ITGB6: variants seen among roughly 807,000 people sequenced by gnomAD.
ITGB6 encodes the protein integrin subunit beta 6, also known as integrin beta-6.
Under a neutral mutation model 84.5 loss-of-function variants are expected in ITGB6, and 80 were observed. The ratio of observed to expected loss-of-function variants is 0.95; its 90% confidence interval spans 0.79 to 1.14. The LOEUF (loss-of-function observed/expected upper bound fraction) is 1.14. Ranked by LOEUF, ITGB6 falls within the 50% of genes most tolerant of loss-of-function variation. The probability of loss-of-function intolerance (pLI) is 0.00; values close to 1 mark genes in which losing one functional copy is unlikely to be tolerated. For missense variants in ITGB6, 1,006 were observed against 968.0 expected, an observed-to-expected ratio of 1.04 and a Z score of -0.52; for synonymous variants, 383 against 354.9, an observed-to-expected ratio of 1.08 and a Z score of -0.89.
intron 4 of ITGB6, chr2:160,179,128 CA>C (rs1685558076): frequency 6.6e-6 from 1 of 151,944 alleles, no homozygotes; most frequent in Non-Finnish European, 1.5e-5. Flanking sequence ...TGATAAAACA[CA>C]ATATAAATAT....
intron 4 of ITGB6, among the ~76,000 whole-genome samples, chr2:160,188,153 C>T (rs568878443): frequency 6.6e-6 from 1 of 152,280 alleles, no homozygotes; most frequent in East Asian, 1.9e-4. Context: ...AAATCCTACG[C>T]TCTTTCCTTT....
intron 10 of ITGB6, among the ~76,000 whole-genome samples, chr2:160,129,964 A>T (rs1683400888): frequency 6.6e-6 from 1 of 152,182 alleles, no homozygotes; most frequent in African/African-American, 2.4e-5. Flanking sequence ...ACACACACAC[A>T]GTCATGTGTC....
chr2:160,196,037 G>A (rs75612755), intron 3 of ITGB6, among the ~76,000 whole-genome samples, 179 bp downstream of exon 3: 4,018 of 152,282 alleles, frequency 0.026, 74 homozygotes, highest in South Asian at 0.077. Flanking sequence ...CAATTGGAGT[G>A]CCGGGGCCAA....
chr2:160,159,911 C>T (rs1188411369), intron 7 of ITGB6, among the ~76,000 whole-genome samples: 1 of 152,118 alleles, frequency 6.6e-6, no homozygotes, highest in Non-Finnish European at 1.5e-5. Context: ...TCTATTTCCC[C>T]CTACTAGATT....
intron 4 of ITGB6, among the ~76,000 whole-genome samples, chr2:160,189,917 C>T (rs1053086500): frequency 4.2e-4 from 64 of 152,120 alleles, no homozygotes; most frequent in Admixed American, 7.9e-4. Context: ...ATGTTTATTG[C>T]GGCACTATTC....
chr2:160,126,338 A>G (rs1335576561), intron 11 of ITGB6, 41 bp downstream of exon 11: 2 of 1,575,382 alleles, frequency 1.3e-6, no homozygotes, highest in East Asian at 4.5e-5. Flanking sequence ...GATCACTATA[A>G]ACCTATCCAC....
At chr2:160,125,457 A>G (rs1475925804) in intron 11 of ITGB6, among the ~76,000 whole-genome samples, 1 of 152,234 alleles carries the variant, frequency 6.6e-6, no homozygotes, top group Non-Finnish European at 1.5e-5. Context: ...GACATTTTCC[A>G]TTAGATCCTA....
chr2:160,198,378 G>T (rs998934905), intron 2 of ITGB6, among the ~76,000 whole-genome samples: 1 of 152,174 alleles, frequency 6.6e-6, no homozygotes, highest in African/African-American at 2.4e-5. Flanking sequence ...GAGGTTTGTT[G>T]CTCTTTGAGC....
intron 7 of ITGB6, among the ~76,000 whole-genome samples, chr2:160,149,296 T>G (rs1220738961): frequency 6.6e-6 from 1 of 152,204 alleles, no homozygotes; most frequent in Non-Finnish European, 1.5e-5. Flanking sequence ...CCTCTGCTGG[T>G]GATACCCAGA....
chr2:160,101,604 G>A lies in ITGB6; in HGVS notation c.*132C>T, dbSNP rs1009398550. On this transcript the variant is annotated 3_prime_UTR_variant, in exon 15 of 15. Coordinates refer to ENST00000283249, the MANE Select transcript of ITGB6 (RefSeq NM_000888.5). ...AACAGTCTGTCACCTTCATGTAGAG[G>A]ATGACTTATCTGCAGATGTCCTATT... 1.5e-6 allele frequency: 1 copy of A among 664,194 alleles called. No individual in the cohort carries two copies. The highest frequency in any genetic ancestry group is 2.7e-6 in the Non-Finnish European group (1 of 370,860). 41.1% of individuals were successfully genotyped at this position (664,194 alleles called of 1,614,324 possible).
In ITGB6 at chr2:160,198,744, C is replaced by T. The variant is rs541158944; in HGVS notation, c.141+435G>A. Among the ~76,000 whole-genome samples, 194 of 152,276 alleles carry T rather than the reference C, an allele frequency of 1.3e-3. 1 individual carries two copies. Among genetic ancestry groups the T allele is most frequent in the Non-Finnish European group, 2.0e-3 (133 of 68,026 alleles). On this transcript the variant is annotated intron_variant, in intron 2 of 14. Transcript: ENST00000283249. Reference sequence around the variant, plus strand: ...TTTGCCCCAAACTTAAAACACATCCCTTAGAATCTAGCAGTAGTTCAGAAT... The same window carrying T: ...TTTGCCCCAAACTTAAAACACATCCTTTAGAATCTAGCAGTAGTTCAGAAT...
chr2:160,107,863 A>ATCCT lies in ITGB6; in HGVS notation c.2102-19_2102-18insAGGA. On this transcript the variant is annotated intron_variant, in intron 13 of 14. Transcript: ENST00000283249. ...CGGACAATCTGCAGAAATAAAGAAA[A>ATCCT]TTATAAGAAGGTGGTAAAATCAACA... 1 of 1,560,420 alleles carries ATCCT rather than the reference A, an allele frequency of 6.4e-7. No individual in the cohort carries two copies. Among genetic ancestry groups the ATCCT allele is most frequent in the Non-Finnish European group, 8.7e-7 (1 of 1,146,634 alleles).
chr2:160,160,130 G>A (rs942934950), intron 7 of ITGB6, among the ~76,000 whole-genome samples: 8 of 152,146 alleles, frequency 5.3e-5, no homozygotes, highest in South Asian at 4.1e-4. Context: ...GTCCATGGCC[G>A]CTTTCATGCT....
intron 10 of ITGB6, among the ~76,000 whole-genome samples, chr2:160,132,918 C>T (rs952506205): frequency 6.6e-6 from 1 of 152,074 alleles, no homozygotes; most frequent in South Asian, 2.1e-4. Flanking sequence ...CATGCAGTTA[C>T]TCATCTTTCT....
intron 13 of ITGB6, among the ~76,000 whole-genome samples, chr2:160,110,775 T>C (rs1450310728): frequency 6.6e-6 from 1 of 152,172 alleles, no homozygotes; most frequent in Admixed American, 6.5e-5. Flanking sequence ...ACCCTGGGAT[T>C]TTCTAGTCTG....
At position 160,195,569 on chromosome 2, in the gene ITGB6, G is replaced by C; in HGVS notation, c.393C>G (p.Tyr131Ter). Residue 131 changes from tyrosine (Y) to a stop codon, truncating the protein, a stop_gained, in exon 4 of 15, where the codon TAC (tyrosine) becomes TAG (stop). Coordinates refer to ENST00000283249, the MANE Select transcript of ITGB6 (RefSeq NM_000888.5). LOFTEE classifies it high-confidence loss of function. ...CCATGAGGTAATACAAATCCACCGGGTAGTCCTCAGTCTGGCGGACATGCA... is the reference window on the plus strand; with the variant it reads ...CCATGAGGTAATACAAATCCACCGGCTAGTCCTCAGTCTGGCGGACATGCA... ...LQVHVRQTEDYPVDLYYLMDL... is the reference protein window; with the variant it reads ...LQVHVRQTED The C allele has an allele frequency of 6.2e-7, 1 of 1,614,110 alleles. No homozygotes were observed. The highest frequency in any genetic ancestry group is 1.1e-5 in the South Asian group (1 of 91,082).
chr2:160,121,911 A>T (rs1683058184), intron 12 of ITGB6, among the ~76,000 whole-genome samples: 1 of 147,566 alleles, frequency 6.8e-6, no homozygotes, highest in Non-Finnish European at 1.5e-5. Context: ...ACTCCTGGGG[A>T]GTAAAATACT....
chr2:160,196,431 A>G lies in ITGB6; in HGVS notation c.142-11T>C, dbSNP rs757929077. ...TGGATGAGTAAAATTCTAAAAAAGA[A>G]AAAGAAAAACAATAACCAGAAAAAG... On this transcript the variant is annotated splice_polypyrimidine_tract_variant and intron_variant, in intron 2 of 14. Transcript: ENST00000283249. 1.9e-6 allele frequency: 3 copies of G among 1,589,618 alleles called. No individual in the cohort carries two copies. The highest frequency in any genetic ancestry group is 1.1e-5 in the South Asian group (1 of 87,200).
intron 8 of ITGB6, among the ~76,000 whole-genome samples, chr2:160,140,261 A>G (rs1411963906): frequency 6.6e-6 from 1 of 152,232 alleles, no homozygotes; most frequent in Admixed American, 6.5e-5. Flanking sequence ...TCATTTAAGA[A>G]TAATAGACAC....
Sources: gnomAD v4.1 joint callset for allele counts (sites outside exome capture counted in the v4.1 genomes callset) on GRCh38, gnomAD v4.1.1 for gene constraint, MANE v1.5 for transcripts, NCBI Gene and HGNC (gene_info 2026-07-23, HGNC 2026-07-21) for gene names.